The following SPEG variants were observed in gnomAD, a reference collection of about 807,000 sequenced individuals.
SPEG encodes striated muscle preferentially expressed protein kinase.
In SPEG, 114 loss-of-function variants were observed where a neutral mutation model predicts 300.4. That is an observed-to-expected ratio of 0.38 (90% CI 0.33 to 0.44). SPEG has a LOEUF of 0.44. Ranked by LOEUF, SPEG falls within the 20% of genes least tolerant of loss-of-function variation. The pLI is 1.00. For synonymous variants in SPEG, 1,964 were observed against 2,018.9 expected, an observed-to-expected ratio of 0.97 and a Z score of 0.73; for missense variants, 4,201 against 4,586.2, an observed-to-expected ratio of 0.92 and a Z score of 2.43.
chr2:219,437,499 G>A (rs1322274641), intron 1 of SPEG, among the ~76,000 whole-genome samples: 1 of 152,202 alleles, frequency 6.6e-6, no homozygotes, highest in African/African-American at 2.4e-5. Flanking sequence ...CTTGGGGTAA[G>A]AAAAGGGCCC....
At chr2:219,470,300 TGCCCA>T (rs56128451) in intron 13 of SPEG, among the ~76,000 whole-genome samples, 31,167 of 150,426 alleles carry the variant, frequency 0.21, 3,587 homozygotes, top group African/African-American at 0.33. Flanking sequence ...CTGACCCTGG[TGCCCA>T]GCTCTTAACC....
At chr2:219,442,424 C>A (rs1047633358) in intron 1 of SPEG, among the ~76,000 whole-genome samples, 2 of 151,866 alleles carry the variant, frequency 1.3e-5, no homozygotes, top group Non-Finnish European at 2.9e-5. Flanking sequence ...CAACCTCAAC[C>A]CCGGGCCCCG....
Position 219,483,584 on chromosome 2 carries a change from C to G in SPEG, c.6121C>G (p.Pro2041Ala). ...GLHKAASVELPQRRSPSPGAT... is the reference protein window; with the variant it reads ...GLHKAASVELAQRRSPSPGAT... Reference sequence around the variant, plus strand: ...GCACAAGGCGGCGTCTGTGGAGCTGCCGCAGCGCCGGAGCCCCAGCCCGGG... The same window carrying G: ...GCACAAGGCGGCGTCTGTGGAGCTGGCGCAGCGCCGGAGCCCCAGCCCGGG... Residue 2041 changes from proline (P) to alanine (A), a missense_variant, in exon 30 of 41, where the codon CCG (proline) becomes GCG (alanine). By Grantham distance (27) the Pro-to-Ala change is conservative. This residue lies in a region of SPEG where 1,578 missense variants were observed against 1,506.0 expected (regional missense o/e 1.05). Transcript: ENST00000312358. The G allele has an allele frequency of 6.8e-7, 1 of 1,469,368 alleles. No homozygotes were observed. The highest frequency in any genetic ancestry group is 8.9e-7 in the Non-Finnish European group (1 of 1,121,654). 91.0% of individuals were successfully genotyped at this position (1,469,368 alleles called of 1,614,324 possible). A position where few individuals can be genotyped will look rare whatever the true frequency, so the allele number is the denominator to read the frequency against.
chr2:219,461,088 C>A, intron 6 of SPEG: 6 of 910,206 alleles, frequency 6.6e-6, no homozygotes, highest in Non-Finnish European at 6.6e-6. Flanking sequence ...CTGTATTTGG[C>A]AGTCGGATAG....
chr2:219,441,059 C>T (rs1190396956), intron 1 of SPEG, among the ~76,000 whole-genome samples: 2 of 152,172 alleles, frequency 1.3e-5, no homozygotes, highest in Admixed American at 1.3e-4. Context: ...GTTTCCAGCT[C>T]ATGGGGTTAT....
rs1282676561 is a variant in SPEG at position 219,484,266 on chromosome 2, C to G, written c.6803C>G (p.Pro2268Arg). The change falls in exon 30 of 41, where the codon CCG (proline) becomes CGG (arginine). Residue 2268 changes from proline (P) to arginine (R), a missense_variant. This residue lies in a region of SPEG where 1,578 missense variants were observed against 1,506.0 expected (regional missense o/e 1.05). Coordinates refer to ENST00000312358, the MANE Select transcript of SPEG (RefSeq NM_005876.5). ...AQGPSQGPAAPPSEPKPHAAV... is the reference protein window; with the variant it reads ...AQGPSQGPAARPSEPKPHAAV... ...GGCCCCTCGCAGGGCCCTGCCGCGC[C>G]GCCTTCAGAGCCCAAGCCCCACGCT... 1.2e-6 allele frequency: 2 copies of G among 1,609,668 alleles called. No individual in the cohort carries two copies. Among genetic ancestry groups the G allele is most frequent in the Non-Finnish European group, 8.5e-7 (1 of 1,179,768 alleles).
chr2:219,479,768 C>G lies in SPEG; in HGVS notation c.5086-15C>G. On this transcript the variant is annotated splice_polypyrimidine_tract_variant and intron_variant, in intron 23 of 40. Transcript: ENST00000312358. The surrounding 1 kb of genome is among the most constrained non-coding windows in gnomAD (Gnocchi z 5.5). ...CACCCTTCCCCCTCAGACTCTGGGC[C>G]CACTATTTCCACAGATCCGGGCCTA... 6.2e-7 allele frequency: 1 copy of G among 1,613,312 alleles called. No homozygotes were observed. The highest frequency in any genetic ancestry group is 8.5e-7 in the Non-Finnish European group (1 of 1,179,554).
chr2:219,440,561 T>TTTTATTTA (rs10606358), intron 1 of SPEG, among the ~76,000 whole-genome samples: 2,474 of 143,638 alleles, frequency 0.017, 41 homozygotes, highest in African/African-American at 0.03. Context: ...ATTTATTTTA[T>TTTTATTTA]TTTATTTATT....
chr2:219,478,030 G>A lies in SPEG; in HGVS notation c.4952G>A (p.Arg1651Lys). 1 of 1,614,224 alleles carries A rather than the reference G, an allele frequency of 6.2e-7. No homozygotes were observed. Among genetic ancestry groups the A allele is most frequent in the South Asian group, 1.1e-5 (1 of 91,090 alleles). ...SARREARLLA[R>K]LQHDCVLYFH... is the part of the protein sequence containing the mutation. ...CGTCGGGAGGCCCGGCTGCTGGCCA[G>A]GCTCCAGCACGACTGTGTCCTCTAC... Residue 1651 changes from arginine (R) to lysine (K), a missense_variant, in exon 22 of 41, where the codon AGG becomes AAG. By Grantham distance (26) the Arg-to-Lys change is conservative. Around this residue, in one of 4 missense-constraint regions of SPEG, gnomAD observed 1,047 missense variants for 1,356.8 expected, o/e 0.77. Transcript: ENST00000312358.
chr2:219,444,561 A>G lies in SPEG; in HGVS notation c.389-92A>G, dbSNP rs962243289. On this transcript the variant is annotated intron_variant, in intron 1 of 40. Transcript: ENST00000312358. This position sits in a 1 kb window ranked among gnomAD's most constrained non-coding sequence, Gnocchi z 7.8. ...GGCAGCCCTGCCAGTGATAAGATGG[A>G]GCCTGCTGTTGGCAGGGAGGCAGAA... 9.5e-7 allele frequency: 1 copy of G among 1,051,512 alleles called. No homozygotes were observed. Among genetic ancestry groups the G allele is most frequent in the Non-Finnish European group, 1.5e-6 (1 of 682,078 alleles). 65.1% of individuals were successfully genotyped at this position (1,051,512 alleles called of 1,614,324 possible).
chr2:219,456,412 G>A (rs959502918), intron 6 of SPEG, among the ~76,000 whole-genome samples: 2 of 152,194 alleles, frequency 1.3e-5, no homozygotes, highest in African/African-American at 4.8e-5. Flanking sequence ...ACAAAGCAGT[G>A]TGGCATGGTC....
At chr2:219,461,783 G>T (rs1310966627) in intron 6 of SPEG, 99 bp from the exon 7 acceptor site, 3 of 1,281,588 alleles carry the variant, frequency 2.3e-6, no homozygotes, top group Non-Finnish European at 3.4e-6. Context: ...GGCCTGCGGG[G>T]AGCTGCCGCA....
chr2:219,459,185 TC>T lies in SPEG; in HGVS notation c.2441-2695del, dbSNP rs1690436767. Among the ~76,000 whole-genome samples the T allele has an allele frequency of 6.6e-6, 1 of 152,188 alleles. No individual in the cohort carries two copies. The highest frequency in any genetic ancestry group is 2.4e-5 in the African/African-American group (1 of 41,444). ...GGAGCCAGTGTGAAGGGGCGGTACT[TC>T]CGTGGTGGGTTGTTCGGGGCCATTG... is the stretch of plus-strand genomic sequence containing the variant. On this transcript the variant is annotated intron_variant, in intron 6 of 40. Transcript: ENST00000312358. This position sits in a 1 kb window ranked among gnomAD's most constrained non-coding sequence, Gnocchi z 4.9.
In SPEG at chr2:219,469,364, C is replaced by A; in HGVS notation, c.3700C>A (p.Arg1234=). The change falls in exon 13 of 41, where the codon CGG becomes AGG. Residue 1234 remains arginine (R), a synonymous_variant. Coordinates refer to ENST00000312358, the MANE Select transcript of SPEG (RefSeq NM_005876.5). ...NGHRIQSSDD[R]RMTQYRDVHR... Reference sequence around the variant, plus strand: ...CCACCGCATCCAGAGCAGCGACGACCGGCGCATGACACAGTGTACGTGTCT... The same window carrying A: ...CCACCGCATCCAGAGCAGCGACGACAGGCGCATGACACAGTGTACGTGTCT... The A allele has an allele frequency of 6.2e-7, 1 of 1,613,492 alleles. No homozygotes were observed. The highest frequency in any genetic ancestry group is 8.5e-7 in the Non-Finnish European group (1 of 1,179,784).
chr2:219,486,623 T>C (rs1016663288), intron 31 of SPEG, among the ~76,000 whole-genome samples: 29 of 152,174 alleles, frequency 1.9e-4, no homozygotes, highest in Non-Finnish European at 4.1e-4. Flanking sequence ...CCAGTTTTGC[T>C]TATGCAGCTG....
chr2:219,469,451 C>A (rs1436887095), intron 13 of SPEG, 72 bp downstream of exon 13: 3 of 1,170,570 alleles, frequency 2.6e-6, no homozygotes, highest in African/African-American at 1.5e-5. Context: ...CTGCCCCTCT[C>A]CCCAGCTCTC....
chr2:219,435,383 G>A lies in SPEG; in HGVS notation c.388+18G>A, dbSNP rs1463892527. 4.6e-6 allele frequency: 7 copies of A among 1,523,770 alleles called. No individual in the cohort carries two copies. Among genetic ancestry groups the A allele is most frequent in the African/African-American group, 1.4e-5 (1 of 71,624 alleles). 94.4% of individuals were successfully genotyped at this position (1,523,770 alleles called of 1,614,324 possible). On this transcript the variant is annotated intron_variant, in intron 1 of 40. Coordinates refer to ENST00000312358, the MANE Select transcript of SPEG (RefSeq NM_005876.5). ...GGTCGGAGGTAAAGGGCAGGTGGGG[G>A]CCGCGCCCGGCAGGGGCGGGGTGCT...
At chr2:219,483,043 G>T (rs371505416) in intron 29 of SPEG, 55 bp from the exon 30 acceptor site, 78 of 1,543,334 alleles carry the variant, frequency 5.1e-5, no homozygotes, top group Non-Finnish European at 6.2e-5. Context: ...GGGCCTGGGG[G>T]GGACAATCCT....
chr2:219,465,916 T>TGTATGG lies in SPEG; in HGVS notation c.2882-1256_2882-1255insATGGGT. 3 of 701,882 alleles carry TGTATGG rather than the reference T, an allele frequency of 4.3e-6. No individual in the cohort carries two copies. In the Admixed American group the frequency reaches 6.6e-5, roughly 15 times the overall value. 43.5% of individuals were successfully genotyped at this position (701,882 alleles called of 1,614,324 possible). On this transcript the variant is annotated intron_variant, in intron 9 of 40. Transcript: ENST00000312358. The stretch of plus-strand genomic sequence containing the variant: ...GTGCGTATGGGTGTGTGCATGCGTG[T>TGTATGG]GTGTGTGCGCGCGTGTGCGTGCACG...
Sources: gnomAD v4.1 joint callset for allele counts (sites outside exome capture counted in the v4.1 genomes callset) on GRCh38, gnomAD v4.1.1 for gene constraint, gnomAD v4.1.1 regional missense constraint, Gnocchi (gnomAD v3.1) non-coding constraint, MANE v1.5 for transcripts, NCBI Gene and HGNC (gene_info 2026-07-23, HGNC 2026-07-21) for gene names.